The following FAM222B variants were observed in gnomAD, a reference collection of about 807,000 sequenced individuals.
FAM222B encodes the protein family with sequence similarity 222 member B.
A neutral mutation model predicts 38.0 loss-of-function variants in FAM222B; 12 were observed. The observed-to-expected ratio is 0.32, with a 90% CI of 0.20 to 0.51. The LOEUF (loss-of-function observed/expected upper bound fraction) is 0.51. Ranked by LOEUF, FAM222B falls within the 20% of genes least tolerant of loss-of-function variation. FAM222B has a pLI of 0.97. For synonymous variants in FAM222B, 329 were observed against 317.2 expected (o/e 1.04, Z -0.40); for missense variants, 716 against 754.2 (o/e 0.95, Z 0.59).
rs2035962057 is a variant in FAM222B, at chr17:28,777,819, A to G, written c.-40-11112T>C. ...CTTCAGTTTTTTGAGACAAGGTCTC[A>G]CTTAGGTGGTCCAGGCTGGAGTGTG... is the stretch of plus-strand genomic sequence containing the variant. On this transcript the variant is annotated intron_variant, in intron 1 of 2. Transcript: ENST00000581407. Among the ~76,000 whole-genome samples, 6 of 151,518 alleles carry G rather than the reference A, an allele frequency of 4.0e-5. No individual in the cohort carries two copies. In the South Asian group the frequency reaches 1.3e-3, roughly 32 times the overall value.
chr17:28,805,060 GA>G (rs2037418510), intron 1 of FAM222B, among the ~76,000 whole-genome samples: 1 of 150,684 alleles, frequency 6.6e-6, no homozygotes. Flanking sequence ...AAAAAAAAAA[GA>G]AAGAAACTAA....
intron 1 of FAM222B, among the ~76,000 whole-genome samples, chr17:28,803,894 C>T (rs533514312): frequency 1.3e-5 from 2 of 151,856 alleles, no homozygotes; most frequent in African/African-American, 2.4e-5. Flanking sequence ...AGGCAGAGAA[C>T]TTTTTGAACC....
chr17:28,847,830 T>C (rs1184165011), intron 1 of FAM222B, among the ~76,000 whole-genome samples: 1 of 148,012 alleles, frequency 6.8e-6, no homozygotes, highest in African/African-American at 2.5e-5. Context: ...CGGAGAATGG[T>C]GTGAACCCGG....
intron 1 of FAM222B, among the ~76,000 whole-genome samples, chr17:28,775,461 CAAA>C (rs11329881): frequency 6.6e-5 from 9 of 135,404 alleles, no homozygotes; most frequent in East Asian, 2.1e-4. Context: ...TCACTGCCTT[CAAA>C]AAAAAAAAAA....
At chr17:28,843,598 C>T (rs1352361378), upstream of FAM222B, among the ~76,000 whole-genome samples, 1 of 151,396 alleles carries the variant, frequency 6.6e-6, no homozygotes, top group Non-Finnish European at 1.5e-5. Flanking sequence ...CAGGCTTGCA[C>T]CACCACGCCT....
At chr17:28,761,468 C>T (rs2035067971) in intron 2 of FAM222B, among the ~76,000 whole-genome samples, 1 of 152,332 alleles carries the variant, frequency 6.6e-6, no homozygotes. Flanking sequence ...GATAGGCCAA[C>T]GACTAATCTG....
chr17:28,804,757 T>C lies in FAM222B; in HGVS notation c.-41+37925A>G, dbSNP rs867503243. Among the ~76,000 whole-genome samples, 8 of 151,880 alleles carry C rather than the reference T, an allele frequency of 5.3e-5. No individual in the cohort carries two copies. In the South Asian group the frequency reaches 8.3e-4, roughly 16 times the overall value. ...TACTTTTGATGATTAAGAAACTAAGTGCAGGCCGGGTGCGGTGGCTCACGC... is the reference window on the plus strand; with the variant it reads ...TACTTTTGATGATTAAGAAACTAAGCGCAGGCCGGGTGCGGTGGCTCACGC... On this transcript the variant is annotated intron_variant, in intron 1 of 2. Coordinates refer to ENST00000581407, the MANE Select transcript of FAM222B (RefSeq NM_001077498.3).
In FAM222B at chr17:28,759,561, A is replaced by C. The variant is rs1289379579; in HGVS notation, c.398T>G (p.Val133Gly). The C allele has an allele frequency of 6.2e-7, 1 of 1,609,798 alleles. No homozygotes were observed. Among genetic ancestry groups the C allele is most frequent in the Admixed American group, 1.7e-5 (1 of 59,514 alleles). Reference sequence around the variant, plus strand: ...GGGTGCCACAGTAGCATAGGGTGCCACTGGGGGGTTCATGATGGCCTCAGG... The same window carrying C: ...GGGTGCCACAGTAGCATAGGGTGCCCCTGGGGGGTTCATGATGGCCTCAGG... ...LLPEAIMNPP[V>G]APYATVAPST... Residue 133 changes from valine to glycine, a missense_variant, in exon 3 of 3, where the codon GTG (valine) becomes GGG (glycine). Val to Gly is a moderately radical substitution (Grantham distance 109). Transcript: ENST00000581407. This position sits in a 1 kb window ranked among gnomAD's most constrained non-coding sequence, Gnocchi z 4.8.
intron 1 of FAM222B, among the ~76,000 whole-genome samples, chr17:28,804,397 C>T (rs1044130699): frequency 3.9e-5 from 6 of 152,042 alleles, no homozygotes; most frequent in Non-Finnish European, 8.8e-5. Flanking sequence ...CGCAGTGGCG[C>T]GATCTCGGCT....
chr17:28,795,188 T>C lies in FAM222B; in HGVS notation c.-40-28481A>G, dbSNP rs539884330. On this transcript the variant is annotated intron_variant, in intron 1 of 2. Transcript: ENST00000581407. ...TTTTCTTTTTGAGACAGTCCTCCTC[T>C]GTTACCTACCCTGGAGTACAGTGAT... is the stretch of plus-strand genomic sequence containing the variant. Among the ~76,000 whole-genome samples, 4 of 152,274 alleles carry C rather than the reference T, an allele frequency of 2.6e-5. No individual in the cohort carries two copies. The South Asian group carries it at 6.2e-4, about 24-fold the overall frequency.
At chr17:28,772,819 G>C (rs2035701702) in intron 1 of FAM222B, among the ~76,000 whole-genome samples, 1 of 152,036 alleles carries the variant, frequency 6.6e-6, no homozygotes, top group African/African-American at 2.4e-5. Context: ...CGCTTGAACT[G>C]GGGAGGCGGA....
intron 2 of FAM222B, 145 bp downstream of exon 2, chr17:28,766,441 G>A (rs1420425926): frequency 7.6e-6 from 5 of 659,488 alleles, no homozygotes; most frequent in African/African-American, 5.6e-5. Context: ...TGGGTGACAA[G>A]AGCAAGACTT....
intron 1 of FAM222B, among the ~76,000 whole-genome samples, chr17:28,802,051 TC>T (rs921161185): frequency 2.6e-5 from 4 of 151,692 alleles, no homozygotes; most frequent in Admixed American, 1.3e-4. Flanking sequence ...AAGTGATTGT[TC>T]AGGTAATATC....
At chr17:28,850,187 T>G (rs1261015295) in intron 1 of FAM222B, among the ~76,000 whole-genome samples, 1 of 152,110 alleles carries the variant, frequency 6.6e-6, no homozygotes. Context: ...TCACTCTTGA[T>G]AGCATGAGGG....
rs1473528287 is a variant in FAM222B at position 28,759,371 on chromosome 17, C to A, written c.588G>T (p.Leu196=). 6.2e-7 allele frequency: 1 copy of A among 1,608,398 alleles called. No homozygotes were observed. Among genetic ancestry groups the A allele is most frequent in the Admixed American group, 1.7e-5 (1 of 59,114 alleles). The change falls in exon 3 of 3, where the codon CTG becomes CTT. Residue 196 remains leucine (L), a synonymous_variant. Transcript: ENST00000581407. The surrounding 1 kb of genome is among the most constrained non-coding windows in gnomAD (Gnocchi z 4.8). ...TTTGGGCCATGGGCTGAGGGTGGCC[C>A]AGGCCCTGAGGCTGCTGGAGGCTCT... ...HPQSLQQPQG[L]GHPQPMAQTQ... is the part of the protein sequence containing the mutation.
chr17:28,799,561 G>A (rs542155757), intron 1 of FAM222B, among the ~76,000 whole-genome samples: 5 of 151,788 alleles, frequency 3.3e-5, no homozygotes, highest in East Asian at 3.9e-4. Context: ...CGCCCACCTC[G>A]GCCTACCAAA....
intron 1 of FAM222B, among the ~76,000 whole-genome samples, chr17:28,798,204 A>G (rs1639460993): frequency 6.6e-6 from 1 of 152,166 alleles, no homozygotes; most frequent in Non-Finnish European, 1.5e-5. Flanking sequence ...CAGCCTGGCA[A>G]GAGCAAAACC....
At chr17:28,788,240 CT>C (rs938475337) in intron 1 of FAM222B, among the ~76,000 whole-genome samples, 2 of 152,118 alleles carry the variant, frequency 1.3e-5, no homozygotes, top group Non-Finnish European at 2.9e-5. Flanking sequence ...TTCAGAATTG[CT>C]TTTTTGTTTG....
intron 2 of FAM222B, among the ~76,000 whole-genome samples, chr17:28,764,295 G>A (rs1369410688): frequency 7.7e-6 from 1 of 129,132 alleles, no homozygotes; most frequent in Non-Finnish European, 1.7e-5. Context: ...AAAAAAAAAA[G>A]GGCCGGGCAT....
Sources: allele counts gnomAD v4.1 joint callset (sites outside exome capture counted in the v4.1 genomes callset), GRCh38; gene constraint gnomAD v4.1.1; non-coding constraint Gnocchi (gnomAD v3.1); transcripts MANE v1.5; gene names NCBI Gene and HGNC (gene_info 2026-07-23, HGNC 2026-07-21).